Variants in BLTP3A observed in about 807,000 individuals in gnomAD.
BLTP3A encodes the protein ICBP90 binding protein 1.
the BLTP3A span, among the ~76,000 whole-genome samples, chr6:34,832,933 C>T: frequency 2.2e-4 from 33 of 151,876 alleles, no homozygotes; most frequent in Non-Finnish European, 1.3e-4. Context: ...ATTTTCAGAC[C>T]TCCTTTTATC....
At chr6:34,797,837 A>G in the BLTP3A span, among the ~76,000 whole-genome samples, 3 of 152,240 alleles carry the variant, frequency 2.0e-5, no homozygotes, top group Non-Finnish European at 4.4e-5. Flanking sequence ...AGATGAAGAA[A>G]GGAAGCACAG....
chr6:34,856,302 A>G, the BLTP3A span: 1 of 1,614,182 alleles, frequency 6.2e-7, no homozygotes, highest in South Asian at 1.1e-5. Flanking sequence ...CAGTGGGCCC[A>G]GAAGCTGGTG....
At chr6:34,858,166 C>T in the BLTP3A span, 9 of 1,614,070 alleles carry the variant, frequency 5.6e-6, no homozygotes, top group Admixed American at 1.7e-5. Context: ...AGAGTTGCAT[C>T]GTCCCCAGGC....
At chr6:34,852,754 A>G in the BLTP3A span, among the ~76,000 whole-genome samples, 3 of 138,938 alleles carry the variant, frequency 2.2e-5, no homozygotes, top group African/African-American at 6.1e-5. Context: ...GGAATTAACA[A>G]TCCTTGTGGC....
At chr6:34,810,514 C>T in the BLTP3A span, among the ~76,000 whole-genome samples, 6 of 152,222 alleles carry the variant, frequency 3.9e-5, no homozygotes, top group Non-Finnish European at 7.3e-5. Flanking sequence ...GACAGGGTCT[C>T]GCTGTGTCAC....
chr6:34,843,313 A>G, the BLTP3A span, among the ~76,000 whole-genome samples: 22 of 152,056 alleles, frequency 1.4e-4, no homozygotes, highest in South Asian at 6.2e-4. Flanking sequence ...TTTTGCCCAC[A>G]TATCTATATA....
At chr6:34,834,530 G>A in the BLTP3A span, 1 of 1,406,460 alleles carries the variant, frequency 7.1e-7, no homozygotes, top group Non-Finnish European at 9.7e-7. Flanking sequence ...GGAACCCAGA[G>A]GCCTTTCTGT....
chr6:34,856,867 G>T, the BLTP3A span: 1 of 1,614,192 alleles, frequency 6.2e-7, no homozygotes, highest in South Asian at 1.1e-5. Flanking sequence ...TCAGCCTCCA[G>T]CATGGAACCG....
the BLTP3A span, chr6:34,855,564 G>A: frequency 3.7e-6 from 6 of 1,601,522 alleles, no homozygotes; most frequent in African/African-American, 6.7e-5. Flanking sequence ...TTAGGTGGTG[G>A]TTTGGCTTCT....
At chr6:34,833,616 T>TA in the BLTP3A span, among the ~76,000 whole-genome samples, 4 of 151,478 alleles carry the variant, frequency 2.6e-5, no homozygotes, top group East Asian at 1.9e-4. Context: ...ATTCCATTCT[T>TA]AAAAAAAAAT....
chr6:34,827,319 GAAAA>G, the BLTP3A span, among the ~76,000 whole-genome samples: 2,354 of 149,110 alleles, frequency 0.016, 17 homozygotes, highest in African/African-American at 0.028. Flanking sequence ...CAAAAAAAAA[GAAAA>G]AAAACAAAAC....
the BLTP3A span, chr6:34,835,245 T>G: frequency 6.3e-7 from 1 of 1,578,918 alleles, no homozygotes; most frequent in Non-Finnish European, 8.6e-7. Flanking sequence ...ACTTTGAAAG[T>G]TGGAATGATA....
At chr6:34,871,929 A>G in the BLTP3A span, 2 of 1,613,336 alleles carry the variant, frequency 1.2e-6, no homozygotes, top group Admixed American at 1.7e-5. Flanking sequence ...ACAGCAGGTG[A>G]GGACCTAACA....
the BLTP3A span, among the ~76,000 whole-genome samples, chr6:34,816,847 G>A: frequency 6.6e-6 from 1 of 152,168 alleles, no homozygotes; most frequent in Non-Finnish European, 1.5e-5. Context: ...CATTCTGCCT[G>A]TTAAAACATT....
the BLTP3A span, chr6:34,859,451 C>A: frequency 6.2e-7 from 1 of 1,614,198 alleles, no homozygotes; most frequent in Admixed American, 1.7e-5. Flanking sequence ...ACCAAGGAGG[C>A]TCTACATGCC....
the BLTP3A span, chr6:34,859,450 G>T: frequency 6.2e-7 from 1 of 1,614,184 alleles, no homozygotes; most frequent in Non-Finnish European, 8.5e-7. Context: ...CACCAAGGAG[G>T]CTCTACATGC....
chr6:34,852,830 G>C, the BLTP3A span, among the ~76,000 whole-genome samples: 1 of 152,204 alleles, frequency 6.6e-6, no homozygotes, highest in Non-Finnish European at 1.5e-5. Context: ...CCAGAACTCA[G>C]GTAATAACCT....
At chr6:34,864,010 T>G in the BLTP3A span, 2 of 1,588,716 alleles carry the variant, frequency 1.3e-6, no homozygotes, top group Non-Finnish European at 8.6e-7. Context: ...AGGGAGCCCA[T>G]GGCCAAGACA....
At chr6:34,861,445 A>G in the BLTP3A span, among the ~76,000 whole-genome samples, 60 of 152,342 alleles carry the variant, frequency 3.9e-4, no homozygotes, top group African/African-American at 1.4e-3. Context: ...AATTTTTTAA[A>G]TTATAAAAAT....
Sources: gnomAD v4.1 joint callset for allele counts (sites outside exome capture counted in the v4.1 genomes callset) on GRCh38, gnomAD v4.1.1 for gene constraint, MANE v1.5 for transcripts, NCBI Gene and HGNC (gene_info 2026-07-23, HGNC 2026-07-21) for gene names.